SLC3A2: variants seen among roughly 807,000 people sequenced by gnomAD.
The protein encoded by SLC3A2 is amino acid transporter heavy chain SLC3A2.
A neutral mutation model predicts 48.5 loss-of-function variants in SLC3A2; 32 were observed. The ratio of observed to expected loss-of-function variants is 0.66; its 90% CI spans 0.50 to 0.89. The LOEUF is 0.89. SLC3A2 is among the 40% of genes least tolerant of loss of function. SLC3A2 has a pLI of 0.00. For missense variants in SLC3A2, 587 were observed against 680.7 expected (o/e 0.86, Z 1.53); for synonymous variants, 277 against 288.8 (o/e 0.96, Z 0.41).
intron 1 of SLC3A2, among the ~76,000 whole-genome samples, chr11:62,873,284 C>T (rs1405103795): frequency 2.0e-5 from 3 of 151,870 alleles, no homozygotes; most frequent in East Asian, 1.9e-4. Flanking sequence ...GTCAGGAGTT[C>T]GAGAACAGCC....
chr11:62,888,408 A>T lies in SLC3A2; in HGVS notation c.1305A>T (p.Leu435=), dbSNP rs998938767. The T allele has an allele frequency of 6.2e-7, 1 of 1,614,132 alleles. No individual in the cohort carries two copies. Among genetic ancestry groups the T allele is most frequent in the Non-Finnish European group, 8.5e-7 (1 of 1,180,004 alleles). ...LSDQRSKERS[L]LHGDFHAFSA... is the part of the protein sequence containing the mutation. ...ACCAGCGGAGTAAGGAGCGCTCCCT[A>T]CTGCATGGGGACTTCCACGCGTTCT... Residue 435 remains leucine (L), a synonymous_variant, in exon 9 of 9, where the codon CTA becomes CTT. Coordinates refer to ENST00000338663, the MANE Select transcript of SLC3A2 (RefSeq NM_001013251.3).
intron 1 of SLC3A2, among the ~76,000 whole-genome samples, chr11:62,875,697 G>T (rs2085564025): frequency 1.3e-5 from 2 of 152,172 alleles, no homozygotes. Flanking sequence ...CTCCTGAGTA[G>T]CTGGGATTAC....
chr11:62,873,204 T>G (rs967637032), intron 1 of SLC3A2, among the ~76,000 whole-genome samples: 5 of 151,828 alleles, frequency 3.3e-5, no homozygotes, highest in African/African-American at 1.2e-4. Flanking sequence ...AAAAATTTTT[T>G]GTGGCCGGGC....
Position 62,888,806 on chromosome 11 carries a change from A to G in SLC3A2, c.*113A>G. On this transcript the variant is annotated 3_prime_UTR_variant, in exon 9 of 9. Transcript: ENST00000338663. The stretch of plus-strand genomic sequence containing the variant: ...ACAAACTGTTGCAGATTATGAGTGA[A>G]CCCCCAAATAGGGTGTTTTCTGCCT... The G allele has an allele frequency of 9.6e-7, 1 of 1,037,490 alleles. No homozygotes were observed. The highest frequency in any genetic ancestry group is 2.6e-5 in the Admixed American group (1 of 38,126). 64.3% of individuals were successfully genotyped at this position (1,037,490 alleles called of 1,614,324 possible). A position where few individuals can be genotyped will look rare whatever the true frequency, so the allele number is the denominator to read the frequency against.
upstream of SLC3A2, among the ~76,000 whole-genome samples, chr11:62,877,877 C>T (rs2085585947): frequency 6.6e-6 from 1 of 152,206 alleles, no homozygotes. Context: ...TGACTTCAGG[C>T]TGGGCACAGT....
intron 2 of SLC3A2, chr11:62,882,348 A>C: frequency 2.8e-6 from 1 of 359,430 alleles, no homozygotes; most frequent in Non-Finnish European, 5.1e-6. Flanking sequence ...AACTTGTAAA[A>C]CAGTAGGTTT....
At chr11:62,859,180 GC>G (rs2085371325) in intron 1 of SLC3A2, among the ~76,000 whole-genome samples, 1 of 152,074 alleles carries the variant, frequency 6.6e-6, no homozygotes. Flanking sequence ...AGAGGTCCCT[GC>G]GGCCTTCCGC....
intron 1 of SLC3A2, among the ~76,000 whole-genome samples, chr11:62,865,266 G>T (rs2085440820): frequency 6.6e-6 from 1 of 151,990 alleles, no homozygotes; most frequent in Non-Finnish European, 1.5e-5. Context: ...TGTGAAAGTT[G>T]TTTCAGCCAG....
At chr11:62,867,314 T>A (rs1452666540) in intron 1 of SLC3A2, among the ~76,000 whole-genome samples, 1 of 123,254 alleles carries the variant, frequency 8.1e-6, no homozygotes, top group Non-Finnish European at 1.6e-5. Flanking sequence ...TTCTTTCTCT[T>A]TTCTTTTCTT....
intron 7 of SLC3A2, among the ~76,000 whole-genome samples, chr11:62,887,337 G>A (rs1184472220): frequency 6.6e-6 from 1 of 152,016 alleles, no homozygotes; most frequent in Admixed American, 6.6e-5. Context: ...CAGCCATCTG[G>A]GAGCTCTTGG....
chr11:62,857,695 CAAAAAAAAAA>C (rs56818745), intron 1 of SLC3A2, among the ~76,000 whole-genome samples: 25 of 52,800 alleles, frequency 4.7e-4, no homozygotes, highest in African/African-American at 1.5e-3. Context: ...GACCCTGTCT[CAAAAAAAAAA>C]AAAAAAAAAA....
At chr11:62,861,326 GA>G (rs954455523) in intron 1 of SLC3A2, among the ~76,000 whole-genome samples, 4 of 152,070 alleles carry the variant, frequency 2.6e-5, no homozygotes, top group African/African-American at 9.7e-5. Flanking sequence ...AAAAAAAAAA[GA>G]GGGTTTCACT....
chr11:62,874,455 A>C (rs1200031289), intron 1 of SLC3A2, among the ~76,000 whole-genome samples: 1 of 152,098 alleles, frequency 6.6e-6, no homozygotes, highest in African/African-American at 2.4e-5. Flanking sequence ...TGAATACTGG[A>C]TACTTTTCAG....
intron 1 of SLC3A2, among the ~76,000 whole-genome samples, chr11:62,868,365 C>CTT (rs1184700101): frequency 1.1e-4 from 15 of 132,696 alleles, no homozygotes; most frequent in African/African-American, 1.6e-4. Context: ...TATTTTCATT[C>CTT]TTTTTTTTTT....
At position 62,884,532 on chromosome 11, in the gene SLC3A2, T is replaced by TC; in HGVS notation, c.759+10dup. ...GGACATAGAGAATCTGAAGGTGAGT[T>TC]CCCTTTCCACATTAGGGACAAAGCT... On this transcript the variant is annotated splice_region_variant and intron_variant, in intron 4 of 8. Transcript: ENST00000338663. The TC allele has an allele frequency of 6.2e-7, 1 of 1,614,202 alleles. No homozygotes were observed.
Position 62,888,607 on chromosome 11 carries a change from C to T in SLC3A2, c.1504C>T (p.Arg502Cys), listed in dbSNP as rs752860221. 33 of 1,611,844 alleles carry T rather than the reference C, an allele frequency of 2.0e-5. 1 individual carries two copies. In the East Asian group the frequency reaches 6.5e-4, roughly 32 times the overall value. ...ADLLLSTQPG[R>C]EEGSPLELER... Reference sequence around the variant, plus strand: ...CCTCCTGCTCAGCACCCAGCCAGGCCGTGAGGAGGGCTCCCCTCTTGAGCT... The same window carrying T: ...CCTCCTGCTCAGCACCCAGCCAGGCTGTGAGGAGGGCTCCCCTCTTGAGCT... Residue 502 changes from arginine to cysteine, a missense_variant, in exon 9 of 9, where the codon CGT becomes TGT. By Grantham distance (180) the Arg-to-Cys change is radical. This residue lies in a region of SLC3A2 where 169 missense variants were observed against 204.4 expected (regional missense o/e 0.83). Transcript: ENST00000338663.
chr11:62,873,969 ATTTTTTTTTTTTTTTTT>A (rs573491653), intron 1 of SLC3A2, among the ~76,000 whole-genome samples: 514 of 38,932 alleles, frequency 0.013, 14 homozygotes, highest in African/African-American at 0.049. Flanking sequence ...TGCCCAGCTA[ATTTTTTTTTTTTTTTTT>A]TTTTTTTTTT....
At chr11:62,882,311 T>C (rs1220762451) in intron 2 of SLC3A2, 5 of 486,262 alleles carry the variant, frequency 1.0e-5, no homozygotes, top group South Asian at 5.0e-5. Flanking sequence ...TTGCAAAATA[T>C]AGATATTTAC....
At chr11:62,886,615 GTTC>G (rs1215239151) in intron 7 of SLC3A2, 8 of 151,940 alleles carry the variant, frequency 5.3e-5, no homozygotes, top group Admixed American at 2.0e-4. Flanking sequence ...TTGGAGACAG[GTTC>G]TTGCTCTGTT....
Sources: gnomAD v4.1 joint callset for allele counts (sites outside exome capture counted in the v4.1 genomes callset) on GRCh38, gnomAD v4.1.1 for gene constraint, gnomAD v4.1.1 regional missense constraint, MANE v1.5 for transcripts, NCBI Gene and HGNC (gene_info 2026-07-23, HGNC 2026-07-21) for gene names.